The following GPAT4 variants were observed in gnomAD, a reference collection of about 807,000 sequenced individuals.
GPAT4 encodes the protein 1-AGP acyltransferase 6.
A neutral mutation model predicts 58.0 loss-of-function variants in GPAT4; 17 were observed. That is an observed-to-expected ratio of 0.29 (90% confidence interval 0.20 to 0.44). The LOEUF (loss-of-function observed/expected upper bound fraction) is 0.44. GPAT4 is among the 20% of genes least tolerant of loss of function. GPAT4 has a pLI of 1.00. For synonymous variants in GPAT4, 204 were observed against 210.1 expected (o/e 0.97, Z 0.25); for missense variants, 377 against 574.5 (o/e 0.66, Z 3.51).
chr8:41,607,472 A>T (rs781732704), intron 2 of GPAT4, among the ~76,000 whole-genome samples: 2 of 151,968 alleles, frequency 1.3e-5, no homozygotes, highest in Non-Finnish European at 2.9e-5. Flanking sequence ...GCCTTATGTC[A>T]TATATTCTCT....
intron 1 of GPAT4, among the ~76,000 whole-genome samples, chr8:41,591,510 C>A (rs1340634803): frequency 6.6e-6 from 1 of 152,196 alleles, no homozygotes; most frequent in Non-Finnish European, 1.5e-5. Context: ...TGTCTTCTTG[C>A]AAGACAGATC....
rs569866587 is a variant in GPAT4 at position 41,593,560 on chromosome 8, A to G, written c.-848-4732A>G. 1.1e-4 allele frequency among the ~76,000 whole-genome samples: 16 copies of G among 152,278 alleles called. 1 individual carries two copies. The South Asian group carries it at 2.7e-3, about 26-fold the overall frequency. On this transcript the variant is annotated intron_variant, in intron 1 of 12. Transcript: ENST00000396987. ...TCAGGTGTGACTGGGACTATGGCCC[A>G]CGACTCTGGAGGAGGTGCTGCTTTC...
intron 2 of GPAT4, among the ~76,000 whole-genome samples, chr8:41,605,546 TTTTGTTTGTTTG>T (rs145318528): frequency 0.14 from 21,515 of 150,850 alleles, 1,660 homozygotes; most frequent in Middle Eastern, 0.2. Flanking sequence ...GAAGGTTGTG[TTTTGTTTGTTTG>T]TTTGTTTGTT....
intron 12 of GPAT4, 139 bp from the exon 13 acceptor site, chr8:41,620,754 G>A (rs1471696755): frequency 1.4e-6 from 2 of 1,396,406 alleles, no homozygotes; most frequent in East Asian, 5.1e-5. Context: ...CCCTGAGGTT[G>A]TCTTGGTGAG....
Position 41,618,674 on chromosome 8 carries a change from T to C in GPAT4, c.1054-10T>C. 1 of 1,613,846 alleles carries C rather than the reference T, an allele frequency of 6.2e-7. No individual in the cohort carries two copies. Among genetic ancestry groups the C allele is most frequent in the South Asian group, 1.1e-5 (1 of 91,074 alleles). On this transcript the variant is annotated splice_polypyrimidine_tract_variant and intron_variant, in intron 10 of 12. Transcript: ENST00000396987. ...CTCATGTCTTACCTCCAGCTTTCCA[T>C]TGTTTTCAGTATGACCCTCAATTTG...
At chr8:41,592,484 TC>T (rs1411055770) in intron 1 of GPAT4, among the ~76,000 whole-genome samples, 1 of 152,170 alleles carries the variant, frequency 6.6e-6, no homozygotes, top group African/African-American at 2.4e-5. Context: ...TGCAATATTG[TC>T]CAAAAATTGA....
intron 2 of GPAT4, among the ~76,000 whole-genome samples, chr8:41,607,475 T>C (rs1367446108): frequency 6.6e-6 from 1 of 152,138 alleles, no homozygotes; most frequent in Non-Finnish European, 1.5e-5. Context: ...TTATGTCATA[T>C]ATTCTCTGCC....
chr8:41,618,273 GA>G (rs750863383), intron 10 of GPAT4, among the ~76,000 whole-genome samples: 1 of 152,238 alleles, frequency 6.6e-6, no homozygotes, highest in Non-Finnish European at 1.5e-5. Flanking sequence ...AGGATGCTGA[GA>G]GGGGACAGGT....
chr8:41,604,305 A>G (rs1563274980), intron 2 of GPAT4, among the ~76,000 whole-genome samples: 1 of 152,198 alleles, frequency 6.6e-6, no homozygotes, highest in Non-Finnish European at 1.5e-5. Flanking sequence ...TTCTCCCTAT[A>G]TAAAGGAACC....
At chr8:41,593,566 CT>C (rs1802849146) in intron 1 of GPAT4, among the ~76,000 whole-genome samples, 1 of 152,160 alleles carries the variant, frequency 6.6e-6, no homozygotes, top group Admixed American at 6.5e-5. Context: ...GCCCACGACT[CT>C]GGAGGAGGTG....
At chr8:41,580,214 C>G (rs1195314954) in intron 1 of GPAT4, among the ~76,000 whole-genome samples, 1 of 152,164 alleles carries the variant, frequency 6.6e-6, no homozygotes, top group Non-Finnish European at 1.5e-5. Context: ...TTTTAGGGAA[C>G]ATGATAAAAT....
chr8:41,621,286 C>T lies in GPAT4; in HGVS notation c.*285C>T. On this transcript the variant is annotated 3_prime_UTR_variant, in exon 13 of 13. Coordinates refer to ENST00000396987, the MANE Select transcript of GPAT4 (RefSeq NM_178819.4). ...TGGAGGAATGCCATTAAAGTGAACT[C>T]CCCACCTTTGCACGCTGTGCGGGCT... 1 of 439,580 alleles carries T rather than the reference C, an allele frequency of 2.3e-6. No homozygotes were observed. The highest frequency in any genetic ancestry group is 4.3e-5 in the East Asian group (1 of 23,352). The allele number at this position is 439,580 out of a possible 1,614,324, so 27.2% of individuals were successfully genotyped here.
rs879453903 is a variant in GPAT4 at position 41,590,127 on chromosome 8, C to CTT, written c.-848-8152_-848-8151dup. Among the ~76,000 whole-genome samples, 125 of 145,170 alleles carry CTT rather than the reference C, an allele frequency of 8.6e-4. 2 individuals carry two copies. Among genetic ancestry groups the CTT allele is most frequent in the African/African-American group, 2.6e-3 (104 of 39,734 alleles). ...TGTAGAGCAGGCTGGCTTGCTACTT[C>CTT]TTTTTTTTTTTTTTAAAGAGTCCCA... On this transcript the variant is annotated intron_variant, in intron 1 of 12. Transcript: ENST00000396987.
At chr8:41,618,153 A>G (rs543602506) in intron 10 of GPAT4, among the ~76,000 whole-genome samples, 1 of 152,324 alleles carries the variant, frequency 6.6e-6, no homozygotes, top group African/African-American at 2.4e-5. Context: ...GTAAATGTAG[A>G]AGCTTTCTAA....
chr8:41,610,690 G>C (rs1803415590), intron 4 of GPAT4, 46 bp from the exon 5 acceptor site: 4 of 1,596,126 alleles, frequency 2.5e-6, no homozygotes, highest in Non-Finnish European at 2.6e-6. Context: ...TCTGTACTTG[G>C]TAGAATGATT....
At chr8:41,597,188 A>G (rs1482458061) in intron 1 of GPAT4, among the ~76,000 whole-genome samples, 2 of 152,322 alleles carry the variant, frequency 1.3e-5, no homozygotes, top group Non-Finnish European at 2.9e-5. Context: ...GGAGGCAGAA[A>G]TTGGGCATAA....
At chr8:41,588,503 T>C (rs1585650682) in intron 1 of GPAT4, among the ~76,000 whole-genome samples, 1 of 152,184 alleles carries the variant, frequency 6.6e-6, no homozygotes, top group African/African-American at 2.4e-5. Flanking sequence ...TTTTCTCTCT[T>C]CTCTCTTTTC....
chr8:41,586,123 A>T (rs375986891), intron 1 of GPAT4, among the ~76,000 whole-genome samples: 1 of 152,208 alleles, frequency 6.6e-6, no homozygotes, highest in Non-Finnish European at 1.5e-5. Context: ...GTAACCAACA[A>T]TCTACTTTCT....
chr8:41,601,954 C>T (rs62509810), intron 2 of GPAT4, among the ~76,000 whole-genome samples: 1 of 30,930 alleles, frequency 3.2e-5, no homozygotes, highest in Non-Finnish European at 6.7e-5. Context: ...GCCACAGTGG[C>T]CCAAATGTAT....
Sources: allele counts gnomAD v4.1 joint callset (sites outside exome capture counted in the v4.1 genomes callset), GRCh38; gene constraint gnomAD v4.1.1; transcripts MANE v1.5; gene names NCBI Gene and HGNC (gene_info 2026-07-23, HGNC 2026-07-21).